The following CPEB1 variants were observed in gnomAD, a reference collection of about 807,000 sequenced individuals.
The protein encoded by CPEB1 is cytoplasmic polyadenylation element-binding protein 1.
CPEB1 carries 7 observed loss-of-function variants against 65.8 expected under a neutral mutation model. The ratio of observed to expected loss-of-function variants is 0.11; its 90% CI spans 0.06 to 0.20. The LOEUF is 0.20. Among genes scored for constraint, CPEB1 ranks in the 10% least tolerant of loss-of-function variants. The probability of loss-of-function intolerance (pLI) is 1.00; values close to 1 mark genes in which losing one functional copy is unlikely to be tolerated. For missense variants in CPEB1, 551 were observed against 712.2 expected, an observed-to-expected ratio of 0.77 and a Z score of 2.58; for synonymous variants, 262 against 260.0, an observed-to-expected ratio of 1.01 and a Z score of -0.08.
In CPEB1 at chr15:82,627,091, A is replaced by G. The variant is rs2045843546; in HGVS notation, c.271+102T>C. The G allele has an allele frequency of 4.2e-6, 4 of 945,108 alleles. No individual in the cohort carries two copies. In the Admixed American group the frequency reaches 8.4e-5, roughly 20 times the overall value. The allele number at this position is 945,108 out of a possible 1,614,324, so 58.5% of individuals were successfully genotyped here. A position where few individuals can be genotyped will look rare whatever the true frequency, so the allele number is the denominator to read the frequency against. ...AGGCAAGTATTGCCAGCAACTCAAC[A>G]TTGTTCTTCACAAGCTTTCCAAGGA... On this transcript the variant is annotated intron_variant, in intron 3 of 12. Transcript: ENST00000684509.
intron 3 of CPEB1, among the ~76,000 whole-genome samples, chr15:82,597,931 G>T (rs917620124): frequency 1.3e-5 from 2 of 152,160 alleles, no homozygotes; most frequent in Non-Finnish European, 2.9e-5. Flanking sequence ...CTTGAGAGGT[G>T]TATAAAAGGA....
intron 3 of CPEB1, 26 bp downstream of exon 3, chr15:82,627,167 C>T (rs1723068197): frequency 1.3e-6 from 2 of 1,596,880 alleles, no homozygotes; most frequent in East Asian, 2.2e-5. Context: ...ATGCCTACCA[C>T]GTTCAAGTTT....
intron 3 of CPEB1, among the ~76,000 whole-genome samples, chr15:82,573,701 C>A (rs962089904): frequency 6.6e-6 from 1 of 152,026 alleles, no homozygotes; most frequent in Non-Finnish European, 1.5e-5. Flanking sequence ...TGTGGCAGAC[C>A]AGCAATATGA....
intron 4 of CPEB1, among the ~76,000 whole-genome samples, chr15:82,561,740 G>A (rs370701704): frequency 6.6e-6 from 1 of 152,290 alleles, no homozygotes; most frequent in African/African-American, 2.4e-5. Flanking sequence ...TCTCTACTGT[G>A]CCTACAAAGG....
At chr15:82,602,010 C>T (rs1465426935) in intron 3 of CPEB1, among the ~76,000 whole-genome samples, 1 of 152,134 alleles carries the variant, frequency 6.6e-6, no homozygotes, top group East Asian at 1.9e-4. Context: ...GTAAATTTGA[C>T]CTAACAGACA....
intron 5 of CPEB1, 45 bp downstream of exon 5, chr15:82,557,715 A>G (rs1479449383): frequency 6.5e-7 from 1 of 1,549,246 alleles, no homozygotes; most frequent in African/African-American, 1.4e-5. Context: ...GGACACACAC[A>G]GGCAACTCCA....
At chr15:82,623,978 A>G (rs1253372510) in intron 3 of CPEB1, among the ~76,000 whole-genome samples, 1 of 152,188 alleles carries the variant, frequency 6.6e-6, no homozygotes, top group African/African-American at 2.4e-5. Context: ...GTCCATAAAC[A>G]ATCTTAGGTT....
chr15:82,647,167 G>A lies in CPEB1; in HGVS notation c.-128C>T, dbSNP rs2047639897. 2 of 152,524 alleles carry A rather than the reference G, an allele frequency of 1.3e-5. No homozygotes were observed. Among genetic ancestry groups the A allele is most frequent in the South Asian group, 2.1e-4 (1 of 4,820 alleles). 9.4% of individuals were successfully genotyped at this position (152,524 alleles called of 1,614,324 possible). On this transcript the variant is annotated 5_prime_UTR_variant, in exon 1 of 13. Transcript: ENST00000684509. Reference sequence around the variant, plus strand: ...TGCCGCCAGCCCGGCGGGTCTCCCGGGCACGAAGCCCCGCCAGTCTTCCGC... The same window carrying A: ...TGCCGCCAGCCCGGCGGGTCTCCCGAGCACGAAGCCCCGCCAGTCTTCCGC...
rs546017276 is a variant in CPEB1, at chr15:82,565,677, A to G, written c.460+5667T>C. 1.5e-3 allele frequency among the ~76,000 whole-genome samples: 228 copies of G among 152,088 alleles called. 3 individuals are homozygous for G. Among genetic ancestry groups the G allele is most frequent in the African/African-American group, 5.2e-3 (214 of 41,470 alleles). ...AACCTAGATGGATTAGAGGAGGGGG[A>G]GGGGTGGTGAGAAGTCCTAGAGTCA... On this transcript the variant is annotated intron_variant, in intron 4 of 12. Transcript: ENST00000684509.
intron 4 of CPEB1, among the ~76,000 whole-genome samples, chr15:82,559,912 C>T (rs910897886): frequency 2.6e-5 from 4 of 152,022 alleles, no homozygotes; most frequent in Non-Finnish European, 4.4e-5. Flanking sequence ...GGCGAAACCC[C>T]GTCTCTACTG....
chr15:82,584,903 C>CTTTTTTTTTTTTTTTTTTTTT lies in CPEB1; in HGVS notation c.272-13372_272-13371insAAAAAAAAAAAAAAAAAAAAA, dbSNP rs3080692. Among the ~76,000 whole-genome samples, 27 of 81,738 alleles carry CTTTTTTTTTTTTTTTTTTTTT rather than the reference C, an allele frequency of 3.3e-4. 6 individuals carry two copies. The highest frequency in any genetic ancestry group is 7.1e-4 in the African/African-American group (12 of 16,872). The allele number at this position is 81,738 out of a possible 152,430, so 53.6% of individuals were successfully genotyped here. ...GACATAATTTTTTTTTCCTAATTTGCTTTTTTTTTTTTTTTTTTTACAGTG... is the reference window on the plus strand; with the variant it reads ...GACATAATTTTTTTTTCCTAATTTGCTTTTTTTTTTTTTTTTTTTTTTTTTTTTTTTTTTTTTTTTACAGTG... On this transcript the variant is annotated intron_variant, in intron 3 of 12. Transcript: ENST00000684509.
At chr15:82,595,904 G>T (rs537628386) in intron 3 of CPEB1, among the ~76,000 whole-genome samples, 66 of 152,254 alleles carry the variant, frequency 4.3e-4, no homozygotes, top group African/African-American at 1.6e-3. Flanking sequence ...TTCTTGCTAA[G>T]AAAGTCAAAC....
At chr15:82,621,695 A>G (rs1029684451) in intron 3 of CPEB1, among the ~76,000 whole-genome samples, 1 of 152,016 alleles carries the variant, frequency 6.6e-6, no homozygotes, top group Non-Finnish European at 1.5e-5. Context: ...TCAGCAGTCT[A>G]TTTAGGTCTG....
Position 82,570,907 on chromosome 15 carries a change from T to C in CPEB1, c.460+437A>G, listed in dbSNP as rs115349370. 5.4e-3 allele frequency among the ~76,000 whole-genome samples: 820 copies of C among 152,314 alleles called. 6 individuals are homozygous for C. Among genetic ancestry groups the C allele is most frequent in the African/African-American group, 0.019 (790 of 41,564 alleles). On this transcript the variant is annotated intron_variant, in intron 4 of 12. Coordinates refer to ENST00000684509, the MANE Select transcript of CPEB1 (RefSeq NM_001365242.1). Reference sequence around the variant, plus strand: ...TGATTCAGAGACCACTCACTCTTCATATAACTCCCTGGTTTTTAAAACCAC... The same window carrying C: ...TGATTCAGAGACCACTCACTCTTCACATAACTCCCTGGTTTTTAAAACCAC...
At chr15:82,558,105 C>T in intron 4 of CPEB1, 119 bp from the exon 5 acceptor site, 2 of 666,856 alleles carry the variant, frequency 3.0e-6, no homozygotes, top group Non-Finnish European at 5.1e-6. Context: ...TAAAAGCATG[C>T]CAGCAAAACA....
chr15:82,586,963 C>T (rs2041853681), intron 3 of CPEB1, among the ~76,000 whole-genome samples: 1 of 152,098 alleles, frequency 6.6e-6, no homozygotes, highest in African/African-American at 2.4e-5. Context: ...TACAACTTTG[C>T]AACAGAGAAG....
At chr15:82,556,170 T>C (rs2037164776) in intron 5 of CPEB1, 48 bp from the exon 6 acceptor site, 5 of 1,528,432 alleles carry the variant, frequency 3.3e-6, no homozygotes, top group Non-Finnish European at 3.5e-6. Context: ...AGTTTTGTTA[T>C]AAAGTAATAA....
At chr15:82,626,819 TG>T (rs1476845944) in intron 3 of CPEB1, among the ~76,000 whole-genome samples, 6 of 152,224 alleles carry the variant, frequency 3.9e-5, no homozygotes, top group African/African-American at 1.4e-4. Flanking sequence ...TATTAAATGT[TG>T]TCATATTATA....
intron 3 of CPEB1, among the ~76,000 whole-genome samples, chr15:82,610,126 T>TA (rs1213503309): frequency 6.8e-6 from 1 of 146,814 alleles, no homozygotes; most frequent in Non-Finnish European, 1.5e-5. Flanking sequence ...ATAGGTGAAA[T>TA]AAATTCTACA....
Sources: gnomAD v4.1 joint callset for allele counts (sites outside exome capture counted in the v4.1 genomes callset) on GRCh38, gnomAD v4.1.1 for gene constraint, MANE v1.5 for transcripts, NCBI Gene and HGNC (gene_info 2026-07-23, HGNC 2026-07-21) for gene names.